HSD17B11: variants seen among roughly 807,000 people sequenced by gnomAD.
The protein encoded by HSD17B11 is hydroxysteroid 17-beta dehydrogenase 11.
Under a neutral mutation model 27.8 loss-of-function variants are expected in HSD17B11, and 22 were observed. The observed-to-expected ratio is 0.79, with a 90% confidence interval of 0.56 to 1.13. The LOEUF (loss-of-function observed/expected upper bound fraction) is 1.13, where lower values mean the gene tolerates loss of function less well. Among genes scored for constraint, HSD17B11 ranks in the 50% most tolerant of loss-of-function variants. The pLI is 0.00. For synonymous variants in HSD17B11, 117 were observed against 132.8 expected (o/e 0.88, Z 0.82); for missense variants, 314 against 351.1 (o/e 0.89, Z 0.84).
chr4:87,342,381 CAA>C (rs543558458), intron 5 of HSD17B11, among the ~76,000 whole-genome samples: 4,730 of 74,216 alleles, frequency 0.064, 253 homozygotes, highest in African/African-American at 0.16. Flanking sequence ...AACTTCGCTG[CAA>C]AAAAAAAAAA....
At chr4:87,361,118 A>C (rs1378397753) in intron 4 of HSD17B11, among the ~76,000 whole-genome samples, 2 of 152,214 alleles carry the variant, frequency 1.3e-5, no homozygotes, top group Non-Finnish European at 2.9e-5. Context: ...AAGGCATTCT[A>C]AGTCATAAGA....
At position 87,381,132 on chromosome 4, in the gene HSD17B11, A is replaced by C. The variant is rs191909204; in HGVS notation, c.318+1123T>G. Among the ~76,000 whole-genome samples, 207 of 144,586 alleles carry C rather than the reference A, an allele frequency of 1.4e-3. 2 individuals carry two copies. The highest frequency in any genetic ancestry group is 5.1e-3 in the African/African-American group (201 of 39,284). 94.9% of individuals were successfully genotyped at this position (144,586 alleles called of 152,430 possible). On this transcript the variant is annotated intron_variant, in intron 2 of 6. Coordinates refer to ENST00000358290, the MANE Select transcript of HSD17B11 (RefSeq NM_016245.5). Reference sequence around the variant, plus strand: ...AACCCGGGAGGTGGAGCTTGCAGTGAGCTGAGATCACGCCACTGCACTCCA... The same window carrying C: ...AACCCGGGAGGTGGAGCTTGCAGTGCGCTGAGATCACGCCACTGCACTCCA...
chr4:87,343,604 G>T (rs1317775873), intron 5 of HSD17B11, among the ~76,000 whole-genome samples: 1 of 145,962 alleles, frequency 6.9e-6, no homozygotes, highest in Non-Finnish European at 1.5e-5. Context: ...CTGGAGTGCA[G>T]TGGCACGATC....
At chr4:87,376,514 A>C (rs1735827558) in intron 2 of HSD17B11, among the ~76,000 whole-genome samples, 2 of 148,676 alleles carry the variant, frequency 1.3e-5, no homozygotes, top group East Asian at 1.9e-4. Flanking sequence ...AAAAAAAAAA[A>C]AAAAAAAACC....
At chr4:87,378,855 TAAATATATATAA>T (rs1560769110) in intron 2 of HSD17B11, among the ~76,000 whole-genome samples, 14,210 of 41,588 alleles carry the variant, frequency 0.34, 3,834 homozygotes, top group African/African-American at 0.51. Context: ...AATATATATA[TAAATATATATAA>T]ATATATATAT....
In HSD17B11 at chr4:87,344,273, T is replaced by A. The variant is rs184676261; in HGVS notation, c.696-3667A>T. 3.2e-3 allele frequency among the ~76,000 whole-genome samples: 491 copies of A among 152,332 alleles called. 2 individuals carry two copies. The highest frequency in any genetic ancestry group is 0.011 in the African/African-American group (453 of 41,572). On this transcript the variant is annotated intron_variant, in intron 5 of 6. Transcript: ENST00000358290. ...GAGAAAAAATAAATTGTGTTATATA[T>A]ATTACAGATGGGAAATTAGATGTTT...
chr4:87,386,430 T>C (rs1442418236), intron 1 of HSD17B11, among the ~76,000 whole-genome samples: 1 of 152,150 alleles, frequency 6.6e-6, no homozygotes, highest in East Asian at 1.9e-4. Flanking sequence ...CTTGAACCCC[T>C]GGCCTCAAGT....
At chr4:87,389,964 T>G (rs1720413965) in intron 1 of HSD17B11, among the ~76,000 whole-genome samples, 1 of 152,138 alleles carries the variant, frequency 6.6e-6, no homozygotes, top group South Asian at 2.1e-4. Flanking sequence ...AAAAAATGTT[T>G]TTTAAAAAAA....
chr4:87,385,086 C>T (rs1720273174), intron 1 of HSD17B11, among the ~76,000 whole-genome samples: 1 of 152,152 alleles, frequency 6.6e-6, no homozygotes, highest in African/African-American at 2.4e-5. Context: ...TGAAATCTCC[C>T]TCACAAACTG....
At chr4:87,357,986 G>C (rs189004448) in intron 4 of HSD17B11, among the ~76,000 whole-genome samples, 18,022 of 74,644 alleles carry the variant, frequency 0.24, 1,468 homozygotes, top group Admixed American at 0.26. Flanking sequence ...TTTTGAGACA[G>C]AGTCTTGCTC....
intron 2 of HSD17B11, among the ~76,000 whole-genome samples, chr4:87,381,587 G>A (rs1578047195): frequency 6.6e-6 from 1 of 151,424 alleles, no homozygotes; most frequent in South Asian, 2.1e-4. Context: ...GTGAGACCCC[G>A]TTTTCTACCA....
chr4:87,378,456 T>C (rs1402297095), intron 2 of HSD17B11, among the ~76,000 whole-genome samples: 1 of 152,108 alleles, frequency 6.6e-6, no homozygotes, highest in African/African-American at 2.4e-5. Flanking sequence ...ATCCATCCCC[T>C]CAAGCATTTA....
chr4:87,370,585 T>C (rs1226147315), intron 4 of HSD17B11, among the ~76,000 whole-genome samples: 1 of 150,468 alleles, frequency 6.6e-6, no homozygotes, highest in East Asian at 2.0e-4. Context: ...CAGCTAATTT[T>C]TTTTGTATTT....
In HSD17B11 at chr4:87,336,547, A is replaced by G. The variant is rs567409371; in HGVS notation, c.*729T>C. 2.0e-5 allele frequency: 3 copies of G among 151,798 alleles called. No homozygotes were observed. The highest frequency in any genetic ancestry group is 4.4e-5 in the Non-Finnish European group (3 of 68,042). The allele number at this position is 151,798 out of a possible 1,614,324, so 9.4% of individuals were successfully genotyped here. On this transcript the variant is annotated 3_prime_UTR_variant, in exon 7 of 7. Transcript: ENST00000358290. ...TTTTTAAAAAAAGATTGCACAATTT[A>G]TTTTCCTTTAATTTGAAGGTTGTCA...
At chr4:87,356,921 AC>A (rs1735396813) in intron 5 of HSD17B11, among the ~76,000 whole-genome samples, 1 of 152,058 alleles carries the variant, frequency 6.6e-6, no homozygotes, top group African/African-American at 2.4e-5. Flanking sequence ...CCACTACCCT[AC>A]CCCAACCAAA....
At chr4:87,364,299 C>G (rs1735579625) in intron 4 of HSD17B11, among the ~76,000 whole-genome samples, 1 of 151,580 alleles carries the variant, frequency 6.6e-6, no homozygotes, top group Non-Finnish European at 1.5e-5. Context: ...AAAAAAACCC[C>G]TCTGTTTTCC....
chr4:87,360,890 ACAT>A (rs1403770834), intron 4 of HSD17B11, among the ~76,000 whole-genome samples: 1 of 152,254 alleles, frequency 6.6e-6, no homozygotes, highest in African/African-American at 2.4e-5. Flanking sequence ...ACGATGTTGC[ACAT>A]AATATTTATT....
intron 2 of HSD17B11, among the ~76,000 whole-genome samples, chr4:87,375,122 C>T (rs1302504267): frequency 3.3e-5 from 5 of 152,198 alleles, no homozygotes; most frequent in Admixed American, 6.5e-5. Flanking sequence ...TAGTCTTGAA[C>T]TCCTGATCTC....
chr4:87,386,888 A>G (rs2110135074), intron 1 of HSD17B11: 1 of 152,324 alleles, frequency 6.6e-6, no homozygotes, highest in East Asian at 1.9e-4. Flanking sequence ...ATTTTAGGAA[A>G]AAGGGTCTCC....
Sources: gnomAD v4.1 joint callset for allele counts (sites outside exome capture counted in the v4.1 genomes callset) on GRCh38, gnomAD v4.1.1 for gene constraint, MANE v1.5 for transcripts, NCBI Gene and HGNC (gene_info 2026-07-23, HGNC 2026-07-21) for gene names.